Variants in PDE5A observed in about 807,000 individuals in gnomAD.
PDE5A encodes the protein phosphodiesterase 5A.
PDE5A carries 67 observed loss-of-function variants against 110.2 expected under a neutral mutation model. That is an observed-to-expected ratio of 0.61 (90% CI 0.50 to 0.75). The LOEUF is 0.75. Among genes scored for constraint, PDE5A ranks in the 30% least tolerant of loss-of-function variants. The pLI is 0.00. For synonymous variants in PDE5A, 328 were observed against 351.2 expected, an observed-to-expected ratio of 0.93 and a Z score of 0.74; for missense variants, 862 against 1,045.1, an observed-to-expected ratio of 0.82 and a Z score of 2.42.
intron 10 of PDE5A, among the ~76,000 whole-genome samples, chr4:119,540,606 A>T (rs1304731562): frequency 1.3e-5 from 2 of 152,340 alleles, no homozygotes; most frequent in African/African-American, 4.8e-5. Flanking sequence ...AGTTAAAAAA[A>T]TTTTATCACA....
intron 18 of PDE5A, among the ~76,000 whole-genome samples, chr4:119,503,208 C>T (rs565057731): frequency 1.2e-4 from 19 of 152,186 alleles, no homozygotes; most frequent in African/African-American, 2.6e-4. Flanking sequence ...CTAAGCAGCC[C>T]GGAGTCTTGA....
intron 3 of PDE5A, among the ~76,000 whole-genome samples, chr4:119,582,631 A>G (rs145330417): frequency 1.3e-5 from 2 of 152,322 alleles, no homozygotes; most frequent in African/African-American, 4.8e-5. Flanking sequence ...CTATGGCCTT[A>G]CGAAATGAAT....
intron 4 of PDE5A, among the ~76,000 whole-genome samples, chr4:119,566,367 T>C (rs1239875355): frequency 6.6e-6 from 1 of 152,138 alleles, no homozygotes; most frequent in Non-Finnish European, 1.5e-5. Flanking sequence ...GCAATGGGCT[T>C]TGAATAGGAA....
chr4:119,613,852 C>G (rs1475764193), intron 1 of PDE5A, among the ~76,000 whole-genome samples: 1 of 151,960 alleles, frequency 6.6e-6, no homozygotes, highest in Non-Finnish European at 1.5e-5. Flanking sequence ...CTGAACCACA[C>G]CCATTCTACT....
At chr4:119,531,091 G>A (rs1726517407) in intron 11 of PDE5A, among the ~76,000 whole-genome samples, 1 of 151,988 alleles carries the variant, frequency 6.6e-6, no homozygotes, top group Non-Finnish European at 1.5e-5. Flanking sequence ...ATTTTTAGCT[G>A]CTTTCGTAGG....
At chr4:119,500,194 T>C (rs1488752611) in intron 20 of PDE5A, 2 of 152,074 alleles carry the variant, frequency 1.3e-5, no homozygotes, top group African/African-American at 4.8e-5. Flanking sequence ...AGGAAGAGCT[T>C]TGAACAAAGG....
At chr4:119,566,799 T>A (rs1310577541) in intron 4 of PDE5A, among the ~76,000 whole-genome samples, 1 of 152,172 alleles carries the variant, frequency 6.6e-6, no homozygotes, top group Non-Finnish European at 1.5e-5. Flanking sequence ...ATACCATAAG[T>A]CACCCTCTGT....
rs1334967284 is a variant in PDE5A at position 119,504,684 on chromosome 4, G to T, written c.2268-85C>A. 1.2e-5 allele frequency: 13 copies of T among 1,063,046 alleles called. No individual in the cohort carries two copies. The Admixed American group carries it at 2.0e-4, about 17-fold the overall frequency. 65.9% of individuals were successfully genotyped at this position (1,063,046 alleles called of 1,614,324 possible). On this transcript the variant is annotated intron_variant, in intron 17 of 20. Coordinates refer to ENST00000354960, the MANE Select transcript of PDE5A (RefSeq NM_001083.4). ...AGTAAATAGTTACTAATAAAAAAAA[G>T]TTAAAACCCTCTAAACAATGGAAAT...
At chr4:119,533,269 T>C (rs1260468127) in intron 11 of PDE5A, among the ~76,000 whole-genome samples, 1 of 152,162 alleles carries the variant, frequency 6.6e-6, no homozygotes, top group African/African-American at 2.4e-5. Flanking sequence ...GCCCTTCTTA[T>C]TGGCTCTGAC....
rs181638630 is a variant in PDE5A, at chr4:119,554,349, A to C, written c.1200-603T>G. ...CTTTAAGATACTTTTAAAATTAAAA[A>C]TTTATCTTCCTCAAGAAATTTTTAT... On this transcript the variant is annotated intron_variant, in intron 7 of 20. Transcript: ENST00000354960. Among the ~76,000 whole-genome samples, 4 of 152,202 alleles carry C rather than the reference A, an allele frequency of 2.6e-5. No homozygotes were observed. The East Asian group carries it at 7.7e-4, about 29-fold the overall frequency.
intron 5 of PDE5A, among the ~76,000 whole-genome samples, chr4:119,563,755 C>T (rs964556295): frequency 2.6e-5 from 4 of 152,170 alleles, no homozygotes; most frequent in South Asian, 2.1e-4. Flanking sequence ...GAAGCAGTTT[C>T]GACTGTGATG....
intron 11 of PDE5A, among the ~76,000 whole-genome samples, chr4:119,534,099 T>G (rs1437456809): frequency 6.6e-6 from 1 of 152,158 alleles, no homozygotes; most frequent in Non-Finnish European, 1.5e-5. Context: ...CTTGCCAATG[T>G]GAAAAACATG....
At chr4:119,555,685 G>A (rs140022468) in intron 7 of PDE5A, among the ~76,000 whole-genome samples, 1 of 151,746 alleles carries the variant, frequency 6.6e-6, no homozygotes, top group African/African-American at 2.4e-5. Flanking sequence ...TTAAGAGTAG[G>A]AGCCAGGAAA....
In PDE5A at chr4:119,611,298, G is replaced by A. The variant is rs918635253; in HGVS notation, c.153-4001C>T. On this transcript the variant is annotated intron_variant, in intron 1 of 20. Coordinates refer to ENST00000354960, the MANE Select transcript of PDE5A (RefSeq NM_001083.4). ...TGACTAGATATTTCATTAGTGCTAC[G>A]TGTTCACTGCTGCATCTCCTGTACT... is the stretch of plus-strand genomic sequence containing the variant. Among the ~76,000 whole-genome samples, 8 of 152,124 alleles carry A rather than the reference G, an allele frequency of 5.3e-5. No individual in the cohort carries two copies. In the East Asian group the frequency reaches 7.7e-4, roughly 15 times the overall value.
intron 11 of PDE5A, among the ~76,000 whole-genome samples, chr4:119,528,322 C>A (rs184642817): frequency 6.6e-6 from 1 of 151,960 alleles, no homozygotes; most frequent in Non-Finnish European, 1.5e-5. Flanking sequence ...AAGAGTGGAA[C>A]GAGAGTTAAT....
At chr4:119,579,505 A>G (rs2110520002) in intron 3 of PDE5A, among the ~76,000 whole-genome samples, 1 of 152,072 alleles carries the variant, frequency 6.6e-6, no homozygotes, top group African/African-American at 2.4e-5. Flanking sequence ...AATACTATGC[A>G]GCCATACAAA....
At chr4:119,500,322 C>A (rs1725257220) in intron 20 of PDE5A, 1 of 150,486 alleles carries the variant, frequency 6.6e-6, no homozygotes, top group African/African-American at 2.4e-5. Flanking sequence ...TCCCTGTCAG[C>A]CACAGTTCTT....
chr4:119,584,084 A>G (rs1361900152), intron 3 of PDE5A, among the ~76,000 whole-genome samples: 2 of 152,188 alleles, frequency 1.3e-5, no homozygotes, highest in Non-Finnish European at 2.9e-5. Context: ...GCTGGTTCAG[A>G]CAGTTCATCC....
rs201006847 is a variant in PDE5A, at chr4:119,628,677, G to A, written c.-6C>T. On this transcript the variant is annotated 5_prime_UTR_variant, in exon 1 of 21. Coordinates refer to ENST00000354960, the MANE Select transcript of PDE5A (RefSeq NM_001083.4). ...CTGGGGCCGGCCCGCTCCATGGTTG[G>A]CACCGCGCGCCTCGGAGGCTCTCTG... 1.2e-6 allele frequency: 2 copies of A among 1,611,304 alleles called. No homozygotes were observed. The highest frequency in any genetic ancestry group is 1.7e-5 in the Admixed American group (1 of 59,962).
Sources: allele counts gnomAD v4.1 joint callset (sites outside exome capture counted in the v4.1 genomes callset), GRCh38; gene constraint gnomAD v4.1.1; transcripts MANE v1.5; gene names NCBI Gene and HGNC (gene_info 2026-07-23, HGNC 2026-07-21).